SDK1: variants seen among roughly 807,000 people sequenced by gnomAD.
The protein encoded by SDK1 is sidekick cell adhesion molecule 1.
In SDK1, 157 loss-of-function variants were observed where a neutral mutation model predicts 245.5. The observed-to-expected ratio is 0.64, with a 90% CI of 0.56 to 0.73. The LOEUF (loss-of-function observed/expected upper bound fraction) is 0.73. SDK1 is among the 30% of genes least tolerant of loss of function. The probability of loss-of-function intolerance (pLI) is 0.00; values close to 1 mark genes in which losing one functional copy is unlikely to be tolerated. For missense variants in SDK1, 3,583 were observed against 3,002.3 expected, an observed-to-expected ratio of 1.19 and a Z score of -4.52; for synonymous variants, 1,647 against 1,278.5, an observed-to-expected ratio of 1.29 and a Z score of -6.15.
At position 4,127,835 on chromosome 7, in the gene SDK1, T is replaced by C. The variant is rs566643145; in HGVS notation, c.3939+339T>C. On this transcript the variant is annotated intron_variant, in intron 26 of 44. Coordinates refer to ENST00000404826, the MANE Select transcript of SDK1 (RefSeq NM_152744.4). ...AAGCCCTGTGCTTGTGTCTCCCCGC[T>C]TGTAAAACGGGAATAACGATGGTAG... Among the ~76,000 whole-genome samples the C allele has an allele frequency of 2.8e-4, 42 of 152,336 alleles. No individual in the cohort carries two copies. In the South Asian group the frequency reaches 4.1e-3, roughly 15 times the overall value.
chr7:4,052,183 C>A (rs575806086), intron 19 of SDK1, among the ~76,000 whole-genome samples: 1 of 102,294 alleles, frequency 9.8e-6, no homozygotes, highest in South Asian at 3.9e-4. Flanking sequence ...CCCCCCCCGA[C>A]GTCCCCCAGC....
chr7:4,139,910 G>A (rs959635264), intron 28 of SDK1, among the ~76,000 whole-genome samples: 1 of 152,112 alleles, frequency 6.6e-6, no homozygotes, highest in Non-Finnish European at 1.5e-5. Flanking sequence ...TCCATCGATG[G>A]GAACGATCTG....
intron 41 of SDK1, among the ~76,000 whole-genome samples, chr7:4,233,912 T>C (rs1785973298): frequency 6.6e-6 from 1 of 152,172 alleles, no homozygotes; most frequent in African/African-American, 2.4e-5. Context: ...CTCATAGTTT[T>C]AAAAATCAGA....
intron 1 of SDK1, among the ~76,000 whole-genome samples, chr7:3,342,415 A>ATTT (rs199749667): frequency 2.0e-5 from 3 of 151,938 alleles, no homozygotes; most frequent in Admixed American, 1.3e-4. Context: ...ATGGAGAAAC[A>ATTT]CCGTCTCTAC....
At position 4,063,597 on chromosome 7, in the gene SDK1, C is replaced by CAAAAAAAAAAAAAAAAAAAAA. The variant is rs35423286; in HGVS notation, c.2912-4229_2912-4228insAAAAAAAAAAAAAAAAAAAAA. On this transcript the variant is annotated intron_variant, in intron 19 of 44. Coordinates refer to ENST00000404826, the MANE Select transcript of SDK1 (RefSeq NM_152744.4). ...ACCAGTGTCATTTTCACAGAAATAG[C>CAAAAAAAAAAAAAAAAAAAAA]AAAAAAAAAAAACAAAAAACCCCGT... Among the ~76,000 whole-genome samples, 15 of 125,130 alleles carry CAAAAAAAAAAAAAAAAAAAAA rather than the reference C, an allele frequency of 1.2e-4. No homozygotes were observed. The South Asian group carries it at 1.6e-3, about 13-fold the overall frequency. 82.1% of individuals were successfully genotyped at this position (125,130 alleles called of 152,430 possible). A position where few individuals can be genotyped will look rare whatever the true frequency, so the allele number is the denominator to read the frequency against.
chr7:4,092,869 G>C (rs1045243143), intron 22 of SDK1, among the ~76,000 whole-genome samples: 2 of 152,164 alleles, frequency 1.3e-5, no homozygotes, highest in Non-Finnish European at 2.9e-5. Context: ...GCAGGGCAGG[G>C]ACGAAAGCTC....
chr7:3,560,253 T>A (rs1341278506), intron 1 of SDK1, among the ~76,000 whole-genome samples: 1 of 152,210 alleles, frequency 6.6e-6, no homozygotes, highest in Non-Finnish European at 1.5e-5. Flanking sequence ...TTTTGAAAAA[T>A]ACAAATGTCC....
intron 5 of SDK1, among the ~76,000 whole-genome samples, chr7:3,840,321 A>G (rs545156518): frequency 1.3e-5 from 2 of 152,348 alleles, no homozygotes; most frequent in Admixed American, 1.3e-4. Context: ...TCATCAAGAA[A>G]TAGGAAAAGA....
chr7:3,957,521 A>G (rs1222408574), intron 7 of SDK1, among the ~76,000 whole-genome samples: 1 of 152,216 alleles, frequency 6.6e-6, no homozygotes. Flanking sequence ...ATAATTAATC[A>G]TAAGCAAATG....
At chr7:4,124,851 G>T (rs968979623) in intron 25 of SDK1, among the ~76,000 whole-genome samples, 8 of 151,902 alleles carry the variant, frequency 5.3e-5, no homozygotes, top group African/African-American at 1.9e-4. Context: ...GATAGGTGAT[G>T]GGCGAATGGA....
chr7:4,166,027 G>T (rs1042491387), intron 32 of SDK1, among the ~76,000 whole-genome samples: 1 of 152,002 alleles, frequency 6.6e-6, no homozygotes, highest in Non-Finnish European at 1.5e-5. Context: ...GGACTCAAGC[G>T]ATCCTCCTTC....
chr7:3,744,419 A>G (rs1281351164), intron 4 of SDK1, among the ~76,000 whole-genome samples: 3 of 152,206 alleles, frequency 2.0e-5, no homozygotes, highest in African/African-American at 4.8e-5. Flanking sequence ...CCAAACATAT[A>G]CTAGGTATCC....
At chr7:3,485,146 G>T (rs1781644228) in intron 1 of SDK1, among the ~76,000 whole-genome samples, 1 of 151,884 alleles carries the variant, frequency 6.6e-6, no homozygotes, top group Admixed American at 6.6e-5. Flanking sequence ...CTTTTTCTCT[G>T]CATCCTAGCC....
chr7:4,108,843 C>G (rs1442978387), intron 22 of SDK1, among the ~76,000 whole-genome samples: 2 of 152,198 alleles, frequency 1.3e-5, no homozygotes, highest in Non-Finnish European at 2.9e-5. Flanking sequence ...CCTCCTCTCC[C>G]CATCCCCTGG....
chr7:3,376,277 A>T (rs1462948395), intron 1 of SDK1, among the ~76,000 whole-genome samples: 2 of 152,196 alleles, frequency 1.3e-5, no homozygotes, highest in Non-Finnish European at 2.9e-5. Flanking sequence ...AGCCTGAAAA[A>T]TTTTAAACTT....
At chr7:3,680,892 G>A (rs972704914) in intron 4 of SDK1, among the ~76,000 whole-genome samples, 2 of 152,038 alleles carry the variant, frequency 1.3e-5, no homozygotes, top group Admixed American at 1.3e-4. Flanking sequence ...TGCCAGGCTG[G>A]AGTTCAGTGA....
Position 3,749,394 on chromosome 7 carries a change from G to T in SDK1, c.714-72056G>T, listed in dbSNP as rs1041199429. On this transcript the variant is annotated intron_variant, in intron 4 of 44. Transcript: ENST00000404826. ...AGCTCACTGCAACCTCTGCCTCCCA[G>T]GTTCAAGCAATTCCCCTGCCTCAGC... 2.0e-5 allele frequency among the ~76,000 whole-genome samples: 3 copies of T among 152,296 alleles called. No individual in the cohort carries two copies. In the East Asian group the frequency reaches 5.8e-4, roughly 29 times the overall value.
At chr7:3,419,957 C>G (rs938015065) in intron 1 of SDK1, among the ~76,000 whole-genome samples, 2 of 152,118 alleles carry the variant, frequency 1.3e-5, no homozygotes, top group African/African-American at 4.8e-5. Context: ...ACCAGTGGCT[C>G]AGAAGTAGGT....
intron 5 of SDK1, among the ~76,000 whole-genome samples, chr7:3,888,265 G>C (rs1309067111): frequency 6.6e-6 from 1 of 152,214 alleles, no homozygotes; most frequent in Non-Finnish European, 1.5e-5. Context: ...TGTTCCATGT[G>C]AGAACGAGTC....
Sources: allele counts gnomAD v4.1 joint callset (sites outside exome capture counted in the v4.1 genomes callset), GRCh38; gene constraint gnomAD v4.1.1; transcripts MANE v1.5; gene names NCBI Gene and HGNC (gene_info 2026-07-23, HGNC 2026-07-21).